GBF1: variants seen among roughly 807,000 people sequenced by gnomAD.
GBF1 encodes golgi brefeldin A resistant guanine nucleotide exchange factor 1, also known as Golgi-specific brefeldin A-resistance guanine nucleotide exchange factor 1.
GBF1 carries 114 observed loss-of-function variants against 210.5 expected under a neutral mutation model. That is an observed-to-expected ratio of 0.54 (90% CI 0.47 to 0.63). GBF1 has a LOEUF of 0.63. Among genes scored for constraint, GBF1 ranks in the 30% least tolerant of loss-of-function variants. GBF1 has a pLI of 0.00. For synonymous variants in GBF1, 850 were observed against 889.2 expected, an observed-to-expected ratio of 0.96 and a Z score of 0.78; for missense variants, 1,851 against 2,357.7, an observed-to-expected ratio of 0.79 and a Z score of 4.45.
chr10:102,286,898 C>A (rs1279249552), intron 3 of GBF1, among the ~76,000 whole-genome samples: 1 of 152,068 alleles, frequency 6.6e-6, no homozygotes, highest in Non-Finnish European at 1.5e-5. Flanking sequence ...TGAAACCTAC[C>A]CTTAACTAAC....
In GBF1 at chr10:102,365,607, A is replaced by C. The variant is rs1343863285; in HGVS notation, c.2309+8A>C. 1.2e-6 allele frequency: 2 copies of C among 1,612,190 alleles called. No individual in the cohort carries two copies. Among genetic ancestry groups the C allele is most frequent in the Admixed American group, 3.3e-5 (2 of 59,972 alleles). ...GTTGGAGAGCTTTGTGAGGTGAGGA[A>C]GCTGTAAGAAATGTGGGATATAGCC... is the stretch of plus-strand genomic sequence containing the variant. On this transcript the variant is annotated splice_region_variant and intron_variant, in intron 18 of 39. Transcript: ENST00000369983.
At chr10:102,319,539 C>T (rs2056187216) in intron 3 of GBF1, among the ~76,000 whole-genome samples, 1 of 152,208 alleles carries the variant, frequency 6.6e-6, no homozygotes, top group African/African-American at 2.4e-5. Flanking sequence ...CAGCTCTTCT[C>T]TTCCATTTTT....
At chr10:102,380,857 A>G (rs898387707) in intron 38 of GBF1, among the ~76,000 whole-genome samples, 171 bp downstream of exon 38, 1 of 152,086 alleles carries the variant, frequency 6.6e-6, no homozygotes, top group Non-Finnish European at 1.5e-5. Context: ...AAAATACAAA[A>G]ATTAGCCAGG....
At chr10:102,336,346 T>C (rs187239569) in intron 3 of GBF1, among the ~76,000 whole-genome samples, 3 of 147,174 alleles carry the variant, frequency 2.0e-5, no homozygotes, top group East Asian at 3.9e-4. Context: ...TGAACTGGTA[T>C]ACAATATAGA....
chr10:102,311,685 C>T (rs2078449098), intron 3 of GBF1, among the ~76,000 whole-genome samples: 1 of 152,188 alleles, frequency 6.6e-6, no homozygotes, highest in African/African-American at 2.4e-5. Flanking sequence ...TGAATTGTGG[C>T]TATGGGCCTA....
In GBF1 at chr10:102,351,272, C is replaced by T. The variant is rs764700488; in HGVS notation, c.312C>T (p.Gly104=). The T allele has an allele frequency of 1.3e-6, 2 of 1,595,384 alleles. No homozygotes were observed. Among genetic ancestry groups the T allele is most frequent in the Admixed American group, 1.7e-5 (1 of 59,990 alleles). The stretch of plus-strand genomic sequence containing the variant: ...CTGGAGCAGATCCCACCCATGAGGG[C>T]ACAGCAGAGGGCATGGAGAACATGG... ...SYALIDPTHE[G]TAEGMENMAD... The change falls in exon 5 of 40, where the codon GGC becomes GGT. Residue 104 remains glycine, a synonymous_variant. Coordinates refer to ENST00000369983, the MANE Select transcript of GBF1 (RefSeq NM_001377137.1).
At chr10:102,337,734 G>A (rs1158907153) in intron 3 of GBF1, among the ~76,000 whole-genome samples, 1 of 152,096 alleles carries the variant, frequency 6.6e-6, no homozygotes, top group Admixed American at 6.5e-5. Context: ...GTACATGCCT[G>A]TAATCCCAGC....
At chr10:102,259,981 A>T in intron 2 of GBF1, 69 bp from the exon 3 acceptor site, 1 of 837,962 alleles carries the variant, frequency 1.2e-6, no homozygotes, top group African/African-American at 1.7e-5. Context: ...AGAGCCCTTG[A>T]TCTGTCCTTT....
At chr10:102,240,348 C>G in the GBF1 span, among the ~76,000 whole-genome samples, 4 of 152,238 alleles carry the variant, frequency 2.6e-5, no homozygotes, top group Non-Finnish European at 5.9e-5. Flanking sequence ...ATGCTCTGAT[C>G]TATTCTGAAT....
At chr10:102,285,445 G>A (rs896208987) in intron 3 of GBF1, among the ~76,000 whole-genome samples, 5 of 152,008 alleles carry the variant, frequency 3.3e-5, no homozygotes, top group Admixed American at 6.6e-5. Flanking sequence ...ATGTTACTTC[G>A]CCACTACTTA....
rs539053933 is a variant in GBF1 at position 102,360,331 on chromosome 10, C to G, written c.1328C>G (p.Pro443Arg). Residue 443 changes from proline (P) to arginine (R), a missense_variant, in exon 12 of 40, where the codon CCT (proline) becomes CGT (arginine). Pro to Arg is a moderately radical substitution (Grantham distance 103). This residue lies in a region of GBF1 where 804 missense variants were observed against 958.6 expected (regional missense o/e 0.84). Coordinates refer to ENST00000369983, the MANE Select transcript of GBF1 (RefSeq NM_001377137.1). ...CTGACAGTGGCCCTTGAGTCAGCCC[C>G]TGTAGCCCAGTGCCAGACCCTCTTG... is the stretch of plus-strand genomic sequence containing the variant. ...HLLTVALESA[P>R]VAQCQTLLGL... The G allele has an allele frequency of 6.2e-6, 10 of 1,613,914 alleles. No individual in the cohort carries two copies. The South Asian group carries it at 1.1e-4, about 18-fold the overall frequency.
intron 39 of GBF1, among the ~76,000 whole-genome samples, chr10:102,381,848 AAG>A (rs1554985673): frequency 6.6e-6 from 1 of 150,570 alleles, no homozygotes; most frequent in Non-Finnish European, 1.5e-5. Context: ...AAAAAAAAAA[AAG>A]AGTAGCCTGG....
At chr10:102,236,150 G>A in the GBF1 span, among the ~76,000 whole-genome samples, 2 of 152,182 alleles carry the variant, frequency 1.3e-5, no homozygotes, top group African/African-American at 2.4e-5. Context: ...GGCTGGGGGC[G>A]CCAAGCTGTT....
Position 102,379,835 on chromosome 10 carries a change from C to T in GBF1, c.4777-18C>T, listed in dbSNP as rs774552344. ...AGCTGAACCTCATAGGGAGACATTG[C>T]ACATTTACCCCCACCAGGTGCTGTT... On this transcript the variant is annotated intron_variant, in intron 35 of 39. Transcript: ENST00000369983. 3.2e-6 allele frequency: 5 copies of T among 1,582,514 alleles called. No homozygotes were observed. The highest frequency in any genetic ancestry group is 4.3e-6 in the Non-Finnish European group (5 of 1,151,764).
chr10:102,336,038 A>G (rs2057706486), intron 3 of GBF1, among the ~76,000 whole-genome samples: 1 of 152,160 alleles, frequency 6.6e-6, no homozygotes, highest in Admixed American at 6.5e-5. Flanking sequence ...GCAGTGGCTC[A>G]TGCCTGTAAT....
chr10:102,236,757 G>A, the GBF1 span, among the ~76,000 whole-genome samples: 1 of 152,220 alleles, frequency 6.6e-6, no homozygotes, highest in African/African-American at 2.4e-5. Flanking sequence ...ACAATCGGTT[G>A]CAATAATAAT....
chr10:102,331,210 A>G (rs1213086650), intron 3 of GBF1, among the ~76,000 whole-genome samples: 2 of 152,146 alleles, frequency 1.3e-5, no homozygotes, highest in South Asian at 4.1e-4. Context: ...GAGAGCATAT[A>G]TAGATGGCAA....
rs192350981 is a variant in GBF1 at position 102,322,015 on chromosome 10, C to T, written c.164-22036C>T. On this transcript the variant is annotated intron_variant, in intron 3 of 39. Coordinates refer to ENST00000369983, the MANE Select transcript of GBF1 (RefSeq NM_001377137.1). ...TTGGGACTACAGGCCTGCAACACCA[C>T]GCCCAGGTAATTTTTTGTATTTTTT... is the stretch of plus-strand genomic sequence containing the variant. Among the ~76,000 whole-genome samples the T allele has an allele frequency of 5.3e-5, 8 of 152,272 alleles. No homozygotes were observed. The East Asian group carries it at 5.8e-4, about 11-fold the overall frequency.
chr10:102,244,508 A>C (rs972397761), upstream of GBF1, among the ~76,000 whole-genome samples: 1 of 152,160 alleles, frequency 6.6e-6, no homozygotes, highest in Non-Finnish European at 1.5e-5. Flanking sequence ...TTGCAAGGGG[A>C]GGAGGCAGCT....
Sources: allele counts gnomAD v4.1 joint callset (sites outside exome capture counted in the v4.1 genomes callset), GRCh38; gene constraint gnomAD v4.1.1; regional missense constraint gnomAD v4.1.1; transcripts MANE v1.5; gene names NCBI Gene and HGNC (gene_info 2026-07-23, HGNC 2026-07-21).